The following XPO1 variants were observed in gnomAD, a reference collection of about 807,000 sequenced individuals.
XPO1 encodes exportin 1, also known as exportin-1.
Under a neutral mutation model 133.3 loss-of-function variants are expected in XPO1, and 5 were observed. The ratio of observed to expected loss-of-function variants is 0.04; its 90% confidence interval spans 0.02 to 0.08. The LOEUF (loss-of-function observed/expected upper bound fraction) is 0.08. Among genes scored for constraint, XPO1 ranks in the 10% least tolerant of loss-of-function variants. XPO1 has a pLI of 1.00. For missense variants in XPO1, 506 were observed against 1,267.5 expected (o/e 0.40, Z 9.12); for synonymous variants, 419 against 408.2 (o/e 1.03, Z -0.32).
rs1306554353 is a variant in XPO1 at position 61,522,708 on chromosome 2, G to A, written c.229-25C>T. ...ACTGAAAATTGGAGAATAGAAGCAT[G>A]TGAATATATTGCTTATAGGACTGGC... On this transcript the variant is annotated intron_variant, in intron 3 of 24. Transcript: ENST00000401558. 8.4e-6 allele frequency: 13 copies of A among 1,541,864 alleles called. No homozygotes were observed. In the East Asian group the frequency reaches 2.7e-4, roughly 32 times the overall value.
Position 61,529,883 on chromosome 2 carries a change from G to A in XPO1, c.127-3362C>T, listed in dbSNP as rs566098585. On this transcript the variant is annotated intron_variant, in intron 2 of 24. Coordinates refer to ENST00000401558, the MANE Select transcript of XPO1 (RefSeq NM_003400.4). ...CTGTGGTTGCCTGAAAAGATCAGAC[G>A]CCTGCTTCCATTGTGAGTCTGTGGT... is the stretch of plus-strand genomic sequence containing the variant. Among the ~76,000 whole-genome samples the A allele has an allele frequency of 8.5e-5, 13 of 152,192 alleles. No individual in the cohort carries two copies. In the East Asian group the frequency reaches 1.2e-3, roughly 14 times the overall value.
intron 4 of XPO1, among the ~76,000 whole-genome samples, chr2:61,511,752 TTTTTC>T (rs904170578): frequency 2.6e-5 from 4 of 151,806 alleles, no homozygotes; most frequent in African/African-American, 7.3e-5. Context: ...CAGATATTTC[TTTTTC>T]TTTTCTTTTT....
chr2:61,529,858 C>G (rs914260299), intron 2 of XPO1, among the ~76,000 whole-genome samples: 5 of 152,184 alleles, frequency 3.3e-5, no homozygotes, highest in African/African-American at 1.2e-4. Context: ...ACCAGAACCA[C>G]TGTGGTTGCC....
intron 4 of XPO1, among the ~76,000 whole-genome samples, chr2:61,508,457 AAC>A (rs1247001544): frequency 5.9e-5 from 9 of 152,246 alleles, no homozygotes; most frequent in African/African-American, 2.2e-4. Context: ...TTCAAATAAA[AAC>A]ACAGCAATAT....
Position 61,533,853 on chromosome 2 carries a change from C to G in XPO1, c.45G>C (p.Gln15His). The G allele has an allele frequency of 6.2e-7, 1 of 1,608,700 alleles. No individual in the cohort carries two copies. The highest frequency in any genetic ancestry group is 8.5e-7 in the Non-Finnish European group (1 of 1,177,934). The change falls in exon 2 of 25, where the codon CAG (glutamine) becomes CAC (histidine). Residue 15 changes from glutamine (Q) to histidine (H), a missense_variant. Transcript: ENST00000401558. ...MTMLADHAARQLLDFSQKLDI... is the reference protein window; with the variant it reads ...MTMLADHAARHLLDFSQKLDI... ...CCAGTTTTTGGCTGAAATCAAGCAGCTGACGAGCTGCATGGTCTGCTAACA... is the reference window on the plus strand; with the variant it reads ...CCAGTTTTTGGCTGAAATCAAGCAGGTGACGAGCTGCATGGTCTGCTAACA...
intron 1 of XPO1, among the ~76,000 whole-genome samples, chr2:61,535,044 T>C (rs1487819685): frequency 6.6e-6 from 1 of 152,140 alleles, no homozygotes; most frequent in Non-Finnish European, 1.5e-5. Context: ...AACAGAAAAA[T>C]GAGCTACTTC....
intron 4 of XPO1, among the ~76,000 whole-genome samples, chr2:61,517,465 G>A (rs1285061897): frequency 6.6e-6 from 1 of 152,156 alleles, no homozygotes; most frequent in Admixed American, 6.6e-5. Context: ...CATGCCTGTA[G>A]TCCTAGCTAT....
Position 61,502,259 on chromosome 2 carries a change from G to A in XPO1, c.353C>T (p.Thr118Ile), listed in dbSNP as rs1481511392. 2 of 1,613,232 alleles carry A rather than the reference G, an allele frequency of 1.2e-6. No homozygotes were observed. Among genetic ancestry groups the A allele is most frequent in the Non-Finnish European group, 1.7e-6 (2 of 1,179,832 alleles). Residue 118 changes from threonine (T) to isoleucine (I), a missense_variant, in exon 5 of 25, where the codon ACT (threonine) becomes ATT (isoleucine). Thr to Ile is a moderately conservative substitution (Grantham distance 89). This residue lies in a region of XPO1 where 68 missense variants were observed against 210.5 expected (regional missense o/e 0.32). Coordinates refer to ENST00000401558, the MANE Select transcript of XPO1 (RefSeq NM_003400.4). Reference protein sequence around the residue: ...GLIIKTSSDPTCVEKEKVYIG... With the variant: ...GLIIKTSSDPICVEKEKVYIG... ...AAAATAAACTCTTACCTCTACACAA[G>A]TTGGGTCAGATGACGTCTTGATAAT...
chr2:61,518,843 A>G (rs888660785), intron 4 of XPO1, among the ~76,000 whole-genome samples: 11 of 152,254 alleles, frequency 7.2e-5, no homozygotes, highest in African/African-American at 2.4e-4. Context: ...TAAATTTTAT[A>G]TAACAAATCT....
At chr2:61,518,637 A>G (rs1698530857) in intron 4 of XPO1, among the ~76,000 whole-genome samples, 1 of 151,510 alleles carries the variant, frequency 6.6e-6, no homozygotes, top group Non-Finnish European at 1.5e-5. Flanking sequence ...AAACACAAAA[A>G]CAGACCAAAA....
chr2:61,481,887 C>A (rs1257257003), intron 23 of XPO1, among the ~76,000 whole-genome samples: 1 of 152,040 alleles, frequency 6.6e-6, no homozygotes, highest in Non-Finnish European at 1.5e-5. Flanking sequence ...AGGCACCCAC[C>A]ACCATGCCCA....
At chr2:61,493,859 C>T in intron 12 of XPO1, 35 bp downstream of exon 12, 1 of 1,608,026 alleles carries the variant, frequency 6.2e-7, no homozygotes, top group Non-Finnish European at 8.5e-7. Flanking sequence ...CCACAGTATG[C>T]AACAGGAAGA....
intron 4 of XPO1, among the ~76,000 whole-genome samples, chr2:61,516,440 G>T (rs1698394643): frequency 6.6e-6 from 1 of 151,790 alleles, no homozygotes; most frequent in South Asian, 2.1e-4. Flanking sequence ...TTGAGACTGA[G>T]TTTCGCTCTT....
intron 7 of XPO1, among the ~76,000 whole-genome samples, 178 bp from the exon 8 acceptor site, chr2:61,499,091 GA>G (rs1697379587): frequency 6.6e-6 from 1 of 152,154 alleles, no homozygotes; most frequent in East Asian, 1.9e-4. Flanking sequence ...AACCCAAGGG[GA>G]AAAAGATTTC....
At chr2:61,496,590 C>A (rs1697253200) in intron 10 of XPO1, among the ~76,000 whole-genome samples, 1 of 152,122 alleles carries the variant, frequency 6.6e-6, no homozygotes, top group South Asian at 2.1e-4. Flanking sequence ...TTCCTTCAGA[C>A]ACAATGTTAG....
At chr2:61,509,582 T>C (rs578029069) in intron 4 of XPO1, among the ~76,000 whole-genome samples, 2 of 151,896 alleles carry the variant, frequency 1.3e-5, no homozygotes, top group East Asian at 3.9e-4. Context: ...GTCGAGATCA[T>C]GCCGTCGCAC....
At chr2:61,528,728 TTTATTTATA>T (rs1268500528) in intron 2 of XPO1, among the ~76,000 whole-genome samples, 16 of 99,060 alleles carry the variant, frequency 1.6e-4, no homozygotes, top group Non-Finnish European at 3.2e-4. Flanking sequence ...ATGTCGACAT[TTTATTTATA>T]TATATATATA....
intron 23 of XPO1, among the ~76,000 whole-genome samples, chr2:61,482,064 T>TTTTTTTTTTTTTTTG (rs1558626153): frequency 4.9e-5 from 1 of 20,384 alleles, no homozygotes; most frequent in Non-Finnish European, 9.0e-5. Flanking sequence ...TTTTGCTTTT[T>TTTTTTTTTTTTTTTG]TAAAGAGGCA....
chr2:61,493,721 G>T (rs1335976220), intron 12 of XPO1, 173 bp downstream of exon 12: 2 of 693,394 alleles, frequency 2.9e-6, no homozygotes, highest in South Asian at 3.7e-5. Context: ...ACACTCTTGA[G>T]AATCAAGGTT....
Sources: allele counts gnomAD v4.1 joint callset (sites outside exome capture counted in the v4.1 genomes callset), GRCh38; gene constraint gnomAD v4.1.1; regional missense constraint gnomAD v4.1.1; transcripts MANE v1.5; gene names NCBI Gene and HGNC (gene_info 2026-07-23, HGNC 2026-07-21).